The following PHKA2 variants were observed in gnomAD, a reference collection of about 807,000 sequenced individuals.
PHKA2 encodes the protein phosphorylase kinase regulatory subunit alpha 2, also known as phosphorylase b kinase regulatory subunit alpha, liver isoform.
A neutral mutation model predicts 102.0 loss-of-function variants in PHKA2; 31 were observed. The observed-to-expected ratio is 0.30, with a 90% confidence interval of 0.23 to 0.41. The LOEUF (loss-of-function observed/expected upper bound fraction) is 0.41. Ranked by LOEUF, PHKA2 falls within the 10% of genes least tolerant of loss-of-function variation. PHKA2 has a pLI of 1.00. For synonymous variants in PHKA2, 455 were observed against 416.2 expected, an observed-to-expected ratio of 1.09 and a Z score of -1.13; for missense variants, 858 against 1,023.1, an observed-to-expected ratio of 0.84 and a Z score of 2.20.
At chrX:18,957,890 G>A (rs891820149) in intron 1 of PHKA2, among the ~76,000 whole-genome samples, 15 of 108,735 alleles carry the variant, frequency 1.4e-4, no homozygotes, top group African/African-American at 2.0e-4. Context: ...ATGGAGTTTC[G>A]CTCTTGTCAC....
At chrX:18,948,848 G>A in intron 4 of PHKA2, 22 bp from the exon 5 acceptor site, 1 of 1,043,319 alleles carries the variant, frequency 9.6e-7, no homozygotes, top group South Asian at 1.9e-5. Context: ...AAACAATGAG[G>A]TTATGAAGCC....
At chrX:18,920,886 A>T (rs934944337) in intron 17 of PHKA2, among the ~76,000 whole-genome samples, 2 of 112,209 alleles carry the variant, frequency 1.8e-5, no homozygotes, top group African/African-American at 6.5e-5. Flanking sequence ...ACACCGGGGG[A>T]GCAGAAAGCA....
Position 18,893,408 on chromosome X carries a change from T to TG in PHKA2, c.*76dup. 9.9e-7 allele frequency: 1 copy of TG among 1,013,656 alleles called. No homozygotes were observed. The highest frequency in any genetic ancestry group is 1.4e-6 in the Non-Finnish European group (1 of 716,842). 83.5% of individuals were successfully genotyped at this position (1,013,656 alleles called of 1,213,427 possible). On this transcript the variant is annotated 3_prime_UTR_variant, in exon 33 of 33. Coordinates refer to ENST00000379942, the MANE Select transcript of PHKA2 (RefSeq NM_000292.3). ...GCTTTCCTGATAGCACAGGGGATCT[T>TG]GGGGGACAGAAGGTTCCCAGTAAGG...
chrX:18,977,386 C>A (rs1056205438), intron 1 of PHKA2, among the ~76,000 whole-genome samples: 1 of 111,886 alleles, frequency 8.9e-6, no homozygotes, highest in Non-Finnish European at 1.9e-5. Context: ...TGGTTCAGTG[C>A]GGAATTCTAT....
At chrX:18,910,999 G>A (rs2047913957) in intron 19 of PHKA2, 39 bp from the exon 20 acceptor site, 3 of 873,964 alleles carry the variant, frequency 3.4e-6, no homozygotes, top group Non-Finnish European at 4.8e-6. Flanking sequence ...TTCTGAGGAG[G>A]AAGAACAACA....
At chrX:18,947,384 C>T (rs2048598306) in intron 5 of PHKA2, among the ~76,000 whole-genome samples, 1 of 112,077 alleles carries the variant, frequency 8.9e-6, no homozygotes, top group Non-Finnish European at 1.9e-5. Flanking sequence ...CCTTCCAAAC[C>T]AGACAGAAGC....
At chrX:18,917,257 T>A (rs755096551) in intron 19 of PHKA2, among the ~76,000 whole-genome samples, 2 of 107,464 alleles carry the variant, frequency 1.9e-5, no homozygotes, top group African/African-American at 6.8e-5. Flanking sequence ...TGCAAAAAAA[T>A]GTCTTTTTTT....
At chrX:18,939,037 T>G (rs1203411681) in intron 9 of PHKA2, among the ~76,000 whole-genome samples, 4 of 112,628 alleles carry the variant, frequency 3.6e-5, no homozygotes, top group African/African-American at 1.3e-4. Flanking sequence ...GCAGAGGATC[T>G]GATTTATATC....
chrX:18,925,348 C>T (rs1304401891), intron 15 of PHKA2, among the ~76,000 whole-genome samples: 1 of 112,419 alleles, frequency 8.9e-6, no homozygotes, highest in African/African-American at 3.2e-5. Flanking sequence ...CACAGAGGGT[C>T]TGATGACAGC....
chrX:18,973,179 A>AT lies in PHKA2; in HGVS notation c.78+10675dup, dbSNP rs2049039406. ...CACCACATCACATCCTAATTTTTGT[A>AT]TTTTTAGTAGAGACGGGGTTTCACC... is the stretch of plus-strand genomic sequence containing the variant. On this transcript the variant is annotated intron_variant, in intron 1 of 32. Transcript: ENST00000379942. Among the ~76,000 whole-genome samples, 5 of 111,077 alleles carry AT rather than the reference A, an allele frequency of 4.5e-5. No individual in the cohort carries two copies. In the South Asian group the frequency reaches 1.1e-3, roughly 25 times the overall value.
chrX:18,943,622 C>A lies in PHKA2; in HGVS notation c.717+88G>T, dbSNP rs2048530935. On this transcript the variant is annotated intron_variant, in intron 7 of 32. Coordinates refer to ENST00000379942, the MANE Select transcript of PHKA2 (RefSeq NM_000292.3). ...CTCAAAGAAGCAAAGTATCACCAAG[C>A]CAGCAAGGTGGGGAATCTGCACTGG... 3 of 753,774 alleles carry A rather than the reference C, an allele frequency of 4.0e-6. No homozygotes were observed. The Admixed American group carries it at 6.6e-5, about 17-fold the overall frequency. The allele number at this position is 753,774 out of a possible 1,213,427, so 62.1% of individuals were successfully genotyped here.
At chrX:18,952,185 C>CAAAA (rs1282109594) in intron 3 of PHKA2, among the ~76,000 whole-genome samples, 27 of 21,432 alleles carry the variant, frequency 1.3e-3, no homozygotes, top group Admixed American at 4.3e-3. Context: ...ATTGTATCTA[C>CAAAA]AAAAAAAAAA....
intron 1 of PHKA2, among the ~76,000 whole-genome samples, chrX:18,971,959 C>A (rs1350964308): frequency 1.8e-5 from 2 of 112,713 alleles, no homozygotes; most frequent in Non-Finnish European, 3.7e-5. Flanking sequence ...AGATAAACTT[C>A]TTGTCATAAG....
chrX:18,928,662 C>G (rs2048257206), intron 13 of PHKA2, among the ~76,000 whole-genome samples: 1 of 112,525 alleles, frequency 8.9e-6, no homozygotes, highest in South Asian at 3.7e-4. Context: ...AAGCGCTTTC[C>G]CACTGCAGCC....
intron 27 of PHKA2, 108 bp downstream of exon 27, chrX:18,901,377 T>C (rs1310993849): frequency 7.0e-6 from 4 of 567,725 alleles, no homozygotes; most frequent in Non-Finnish European, 1.3e-5. Context: ...CCTCCCACTC[T>C]ACAGACAGTG....
intron 3 of PHKA2, 136 bp from the exon 4 acceptor site, chrX:18,951,408 T>G: frequency 1.6e-6 from 1 of 626,383 alleles, no homozygotes; most frequent in Non-Finnish European, 2.6e-6. Flanking sequence ...AGGCAGCTGC[T>G]AGGCAGCACC....
rs374304363 is a variant in PHKA2 at position 18,897,780 on chromosome X, G to A, written c.3112-447C>T. 3.8e-4 allele frequency: 53 copies of A among 138,646 alleles called. 1 individual carries two copies. The highest frequency in any genetic ancestry group is 1.6e-3 in the African/African-American group (53 of 32,295). 11.4% of individuals were successfully genotyped at this position (138,646 alleles called of 1,213,427 possible). ...TCAGGCATCCTATAAAGAGCTGCCC[G>A]GAAGCCTTCACCACGTGGAGACACA... On this transcript the variant is annotated intron_variant, in intron 29 of 32. Coordinates refer to ENST00000379942, the MANE Select transcript of PHKA2 (RefSeq NM_000292.3).
rs762945500 is a variant in PHKA2 at position 18,951,189 on chromosome X, C to T, written c.369G>A (p.Thr123=). 1.2e-5 allele frequency: 15 copies of T among 1,209,563 alleles called. No homozygotes were observed. Among genetic ancestry groups the T allele is most frequent in the African/African-American group, 3.5e-5 (2 of 57,300 alleles). The change falls in exon 4 of 33, where the codon ACG becomes ACA. Residue 123 remains threonine (T), a synonymous_variant. Coordinates refer to ENST00000379942, the MANE Select transcript of PHKA2 (RefSeq NM_000292.3). ...GGCCCCACTGGTCGTCGCCCACCAC[C>T]GTGCCACAGGTGGCGGTGTTGTACT... is the stretch of plus-strand genomic sequence containing the variant. ...HAKYNTATCG[T]VVGDDQWGHL...
At chrX:18,926,898 C>T (rs1417108448) in intron 13 of PHKA2, among the ~76,000 whole-genome samples, 1 of 111,696 alleles carries the variant, frequency 9.0e-6, no homozygotes, top group African/African-American at 3.3e-5. Flanking sequence ...GTCTTGCCTC[C>T]CTCTGGGTCT....
Sources: gnomAD v4.1 joint callset for allele counts (sites outside exome capture counted in the v4.1 genomes callset) on GRCh38, gnomAD v4.1.1 for gene constraint, MANE v1.5 for transcripts, NCBI Gene and HGNC (gene_info 2026-07-23, HGNC 2026-07-21) for gene names.